SOHLH2: variants seen among roughly 807,000 people sequenced by gnomAD.
SOHLH2 encodes the protein spermatogenesis- and oogenesis-specific basic helix-loop-helix-containing protein 2.
A neutral mutation model predicts 50.4 loss-of-function variants in SOHLH2; 22 were observed. The ratio of observed to expected loss-of-function variants is 0.44; its 90% confidence interval spans 0.31 to 0.62. The LOEUF (loss-of-function observed/expected upper bound fraction) is 0.62. Among genes scored for constraint, SOHLH2 ranks in the 20% least tolerant of loss-of-function variants. The pLI is 0.08. For synonymous variants in SOHLH2, 185 were observed against 187.3 expected, an observed-to-expected ratio of 0.99 and a Z score of 0.10; for missense variants, 412 against 504.4, an observed-to-expected ratio of 0.82 and a Z score of 1.76.
At chr13:36,187,324 G>C (rs544045095) in intron 6 of SOHLH2, among the ~76,000 whole-genome samples, 3 of 152,146 alleles carry the variant, frequency 2.0e-5, no homozygotes, top group African/African-American at 4.8e-5. Flanking sequence ...ATGTTTCCTC[G>C]CATCATTTCA....
At position 36,182,215 on chromosome 13, in the gene SOHLH2, G is replaced by T; in HGVS notation, c.642-7346C>A. 3.0e-6 allele frequency: 3 copies of T among 985,374 alleles called. No individual in the cohort carries two copies. In the South Asian group the frequency reaches 1.4e-4, roughly 46 times the overall value. 61.0% of individuals were successfully genotyped at this position (985,374 alleles called of 1,614,324 possible). ...GGTAATACAGGGAAATTCATGGGGAGAGAATTTTTGCAACTCAGACAAAAT... is the reference window on the plus strand; with the variant it reads ...GGTAATACAGGGAAATTCATGGGGATAGAATTTTTGCAACTCAGACAAAAT... On this transcript the variant is annotated intron_variant, in intron 6 of 10. Transcript: ENST00000379881.
In SOHLH2 at chr13:36,168,670, C is replaced by CGG; in HGVS notation, c.*363_*364insCC. ...TGACACAAGGTATCAACACACCTTC[C>CGG]CAATCTAATCATTTTATCGTGTCTA... On this transcript the variant is annotated 3_prime_UTR_variant, in exon 11 of 11. Coordinates refer to ENST00000379881, the MANE Select transcript of SOHLH2 (RefSeq NM_017826.3). 3.7e-6 allele frequency: 1 copy of CGG among 267,108 alleles called. No homozygotes were observed. The highest frequency in any genetic ancestry group is 7.0e-6 in the Non-Finnish European group (1 of 143,300). The allele number at this position is 267,108 out of a possible 1,614,324, so 16.5% of individuals were successfully genotyped here.
Position 36,174,893 on chromosome 13 carries a change from A to G in SOHLH2, c.642-24T>C. ...CCCTGGACACAGAATTGCAATACAT[A>G]AAGAATAATTAGTCTCATTGTCTTC... is the stretch of plus-strand genomic sequence containing the variant. On this transcript the variant is annotated intron_variant, in intron 6 of 10. Transcript: ENST00000379881. The G allele has an allele frequency of 3.2e-6, 5 of 1,551,390 alleles. No homozygotes were observed. In the South Asian group the frequency reaches 6.4e-5, roughly 20 times the overall value.
intron 2 of SOHLH2, 128 bp from the exon 3 acceptor site, chr13:36,193,995 C>T: frequency 1.3e-6 from 1 of 781,364 alleles, no homozygotes; most frequent in Non-Finnish European, 1.9e-6. Context: ...AAAATAATAT[C>T]ATTAATATGG....
At position 36,213,298 on chromosome 13, in the gene SOHLH2, A is replaced by C. The variant is rs115623638; in HGVS notation, c.48+1181T>G. On this transcript the variant is annotated intron_variant, in intron 1 of 10. Transcript: ENST00000379881. Reference sequence around the variant, plus strand: ...TTTGCCTAATCCTGCACCATAAAATACTATTTTTCCTTAGAGTTTAAATAG... The same window carrying C: ...TTTGCCTAATCCTGCACCATAAAATCCTATTTTTCCTTAGAGTTTAAATAG... Among the ~76,000 whole-genome samples the C allele has an allele frequency of 4.4e-3, 666 of 152,330 alleles. 2 individuals carry two copies. The highest frequency in any genetic ancestry group is 0.015 in the African/African-American group (616 of 41,574).
chr13:36,213,710 G>A (rs769452262), intron 1 of SOHLH2, among the ~76,000 whole-genome samples: 10 of 152,096 alleles, frequency 6.6e-5, no homozygotes, highest in Non-Finnish European at 1.3e-4. Context: ...TTTCCATGGA[G>A]GTGGCAAATG....
At chr13:36,187,533 A>G (rs1045489999) in intron 6 of SOHLH2, among the ~76,000 whole-genome samples, 1 of 152,170 alleles carries the variant, frequency 6.6e-6, no homozygotes, top group Non-Finnish European at 1.5e-5. Context: ...GCAAGGCAGC[A>G]GTCATGGGAA....
chr13:36,196,127 A>ATAGATAGATAAT (rs1555245225), intron 2 of SOHLH2, among the ~76,000 whole-genome samples: 141 of 102,004 alleles, frequency 1.4e-3, no homozygotes, highest in South Asian at 1.2e-3. Context: ...TAGATAGATA[A>ATAGATAGATAAT]TTTTTTTTTT....
At chr13:36,203,702 T>A (rs1318732289) in intron 1 of SOHLH2, among the ~76,000 whole-genome samples, 1 of 152,194 alleles carries the variant, frequency 6.6e-6, no homozygotes, top group African/African-American at 2.4e-5. Flanking sequence ...TTTAAAAAAA[T>A]TTTGTATTGT....
At chr13:36,178,986 G>T (rs2138275675) in intron 6 of SOHLH2, among the ~76,000 whole-genome samples, 1 of 151,846 alleles carries the variant, frequency 6.6e-6, no homozygotes, top group African/African-American at 2.4e-5. Flanking sequence ...GTCATTCTTT[G>T]GTTCCAGTAG....
intron 5 of SOHLH2, 36 bp from the exon 6 acceptor site, chr13:36,190,092 G>C: frequency 6.4e-7 from 1 of 1,558,982 alleles, no homozygotes; most frequent in East Asian, 2.3e-5. Context: ...TACATTAAAG[G>C]GGAAAATTGT....
At chr13:36,203,553 GAATCCAAACTAGAA>G (rs1274739738) in intron 1 of SOHLH2, among the ~76,000 whole-genome samples, 2 of 152,026 alleles carry the variant, frequency 1.3e-5, no homozygotes, top group Admixed American at 6.6e-5. Flanking sequence ...ATATATCCTC[GAATCCAAACTAGAA>G]AATCAGAAAG....
At chr13:36,179,906 A>G (rs1887201409) in intron 6 of SOHLH2, among the ~76,000 whole-genome samples, 1 of 152,148 alleles carries the variant, frequency 6.6e-6, no homozygotes, top group African/African-American at 2.4e-5. Context: ...GCTTAGGGTT[A>G]TGTTGTTCCC....
intron 4 of SOHLH2, among the ~76,000 whole-genome samples, chr13:36,192,270 T>A (rs1189798786): frequency 5.9e-5 from 9 of 152,124 alleles, no homozygotes; most frequent in Non-Finnish European, 8.8e-5. Flanking sequence ...AAATATAGCA[T>A]CTGAAAAAAA....
intron 1 of SOHLH2, among the ~76,000 whole-genome samples, chr13:36,213,886 A>C (rs1029585908): frequency 6.6e-6 from 1 of 151,782 alleles, no homozygotes; most frequent in Non-Finnish European, 1.5e-5. Context: ...TAACGCGCCT[A>C]AATAAACTTT....
At chr13:36,192,359 G>A (rs1887600586) in intron 4 of SOHLH2, among the ~76,000 whole-genome samples, 1 of 152,146 alleles carries the variant, frequency 6.6e-6, no homozygotes, top group Admixed American at 6.5e-5. Context: ...GACCAACAGA[G>A]GGGCATGGGC....
intron 2 of SOHLH2, among the ~76,000 whole-genome samples, chr13:36,198,837 A>G (rs1887811340): frequency 6.6e-6 from 1 of 152,214 alleles, no homozygotes; most frequent in Non-Finnish European, 1.5e-5. Flanking sequence ...ATGTGCTCTA[A>G]TACTGAACAT....
chr13:36,201,716 C>T (rs1176163440), intron 2 of SOHLH2, among the ~76,000 whole-genome samples, 163 bp downstream of exon 2: 1 of 152,132 alleles, frequency 6.6e-6, no homozygotes, highest in Non-Finnish European at 1.5e-5. Flanking sequence ...GCAATCATCC[C>T]ACATCGGCCT....
chr13:36,207,534 T>C (rs1240620474), intron 1 of SOHLH2, among the ~76,000 whole-genome samples: 1 of 152,174 alleles, frequency 6.6e-6, no homozygotes, highest in Non-Finnish European at 1.5e-5. Flanking sequence ...CTTACAATCA[T>C]AGTATGTTTA....
Sources: allele counts gnomAD v4.1 joint callset (sites outside exome capture counted in the v4.1 genomes callset), GRCh38; gene constraint gnomAD v4.1.1; transcripts MANE v1.5; gene names NCBI Gene and HGNC (gene_info 2026-07-23, HGNC 2026-07-21).